Variants in HOXB7 observed in about 807,000 individuals in gnomAD.
HOXB7 encodes the protein homeobox protein Hox-B7.
HOXB7 carries 11 observed loss-of-function variants against 19.2 expected under a neutral mutation model. That is an observed-to-expected ratio of 0.57 (90% CI 0.36 to 0.95). The LOEUF (loss-of-function observed/expected upper bound fraction) is 0.95. HOXB7 is among the 40% of genes least tolerant of loss of function. The probability of loss-of-function intolerance (pLI) is 0.01; values close to 1 mark genes in which losing one functional copy is unlikely to be tolerated. For missense variants in HOXB7, 318 were observed against 301.1 expected, an observed-to-expected ratio of 1.06 and a Z score of -0.42; for synonymous variants, 141 against 130.2, an observed-to-expected ratio of 1.08 and a Z score of -0.56.
chr17:48,607,506 T>C lies in HOXB7; in HGVS notation c.*336A>G. The C allele has an allele frequency of 4.0e-6, 1 of 247,702 alleles. No homozygotes were observed. The highest frequency in any genetic ancestry group is 6.8e-5 in the South Asian group (1 of 14,786). 15.3% of individuals were successfully genotyped at this position (247,702 alleles called of 1,614,324 possible). The stretch of plus-strand genomic sequence containing the variant: ...AAACTGCAAGATTTTACAAAGACCT[T>C]ACAATAGCAACATAGAAAAGGGGAG... On this transcript the variant is annotated 3_prime_UTR_variant, in exon 2 of 2. Transcript: ENST00000239165.
chr17:48,610,459 G>A (rs2144996780), intron 1 of HOXB7, 60 bp downstream of exon 1: 3 of 1,356,472 alleles, frequency 2.2e-6, no homozygotes, highest in Non-Finnish European at 2.9e-6. Flanking sequence ...GGAAGGAGGC[G>A]CCTTCAGGGT....
At chr17:48,609,998 G>A (rs1473406364) in intron 1 of HOXB7, among the ~76,000 whole-genome samples, 2 of 152,168 alleles carry the variant, frequency 1.3e-5, no homozygotes, top group Admixed American at 6.5e-5. Context: ...GGAATAATGG[G>A]GGAGCGGGGT....
rs767729215 is a variant in HOXB7 at position 48,610,700 on chromosome 17, G to A, written c.219C>T (p.Val73=). The stretch of plus-strand genomic sequence containing the variant: ...GCTCGAGCCCATAGCCGGCCGCGTA[G>A]ACGCCGGCCGCGCTCTGGCCCGCCA... The part of the protein sequence containing the change: ...GGMAGQSAAG[V]YAAGYGLEPS... Residue 73 remains valine, a synonymous_variant, in exon 1 of 2, where the codon GTC becomes GTT. Coordinates refer to ENST00000239165, the MANE Select transcript of HOXB7 (RefSeq NM_004502.4). 3.8e-6 allele frequency: 6 copies of A among 1,578,612 alleles called. No homozygotes were observed. In the African/African-American group the frequency reaches 6.8e-5, roughly 18 times the overall value.
At position 48,610,571 on chromosome 17, in the gene HOXB7, C is replaced by T; in HGVS notation, c.348G>A (p.Ser116=). Residue 116 remains serine (S), a synonymous_variant, in exon 1 of 2, where the codon TCG becomes TCA. Transcript: ENST00000239165. ...KAAGAKEQRD[S]DLAAESNFRI... ...GGAAGTTACTCTCGGCCGCCAAGTC[C>T]GAGTCCCTCTGCTCCTTGGCGCCCG... 2 of 1,538,712 alleles carry T rather than the reference C, an allele frequency of 1.3e-6. No individual in the cohort carries two copies. Among genetic ancestry groups the T allele is most frequent in the African/African-American group, 1.4e-5 (1 of 72,478 alleles).
intron 1 of HOXB7, among the ~76,000 whole-genome samples, chr17:48,610,256 T>G (rs1378043893): frequency 5.5e-5 from 6 of 109,924 alleles, no homozygotes; most frequent in Non-Finnish European, 9.3e-5. Flanking sequence ...AGAGGAAGGG[T>G]GGGGGCGGGC....
intron 1 of HOXB7, 104 bp downstream of exon 1, chr17:48,610,415 G>T: frequency 2.5e-6 from 3 of 1,204,528 alleles, no homozygotes; most frequent in South Asian, 2.1e-5. Flanking sequence ...CTCCGGCTGG[G>T]AGCACTCTGG....
Position 48,608,100 on chromosome 17 carries a change from A to C in HOXB7, c.401-5T>G, listed in dbSNP as rs541181851. ...GGCCTCGTTTGCGGTCAGTTCCTGC[A>C]CACAGTATTCAGAGGAAAATCAGTG... On this transcript the variant is annotated splice_polypyrimidine_tract_variant and splice_region_variant and intron_variant, in intron 1 of 1. Coordinates refer to ENST00000239165, the MANE Select transcript of HOXB7 (RefSeq NM_004502.4). 778 of 1,611,640 alleles carry C rather than the reference A, an allele frequency of 4.8e-4. No homozygotes were observed. The highest frequency in any genetic ancestry group is 6.3e-4 in the Non-Finnish European group (738 of 1,178,092).
At chr17:48,610,448 G>A (rs1211283626) in intron 1 of HOXB7, 71 bp downstream of exon 1, 6 of 1,343,672 alleles carry the variant, frequency 4.5e-6, no homozygotes, top group Non-Finnish European at 5.8e-6. Flanking sequence ...GCGCCCAGCC[G>A]GGAAGGAGGC....
At chr17:48,608,707 G>A (rs1447654130) in intron 1 of HOXB7, among the ~76,000 whole-genome samples, 1 of 152,158 alleles carries the variant, frequency 6.6e-6, no homozygotes, top group Non-Finnish European at 1.5e-5. Flanking sequence ...GGCTCTTAAA[G>A]GCTCTGCACC....
intron 1 of HOXB7, chr17:48,608,380 C>T (rs544454282): frequency 5.1e-4 from 79 of 153,632 alleles, no homozygotes; most frequent in African/African-American, 2.0e-3. Flanking sequence ...GCCGAGATTG[C>T]GCCACTGCAC....
Position 48,607,890 on chromosome 17 carries a change from C to G in HOXB7, c.606G>C (p.Gly202=), listed in dbSNP as rs773050759. 63 of 1,613,964 alleles carry G rather than the reference C, an allele frequency of 3.9e-5. No individual in the cohort carries two copies. The highest frequency in any genetic ancestry group is 4.7e-5 in the Non-Finnish European group (55 of 1,180,004). Residue 202 remains glycine, a synonymous_variant, in exon 2 of 2, where the codon GGG becomes GGC. Transcript: ENST00000239165. ...WKKENKTAGP[G]TTGQDRAEAE... is the part of the protein sequence containing the mutation. ...CTTCAGCCCTGTCTTGGCCGGTGGT[C>G]CCCGGGCCCGCGGTCTTGTTCTCCT...
intron 1 of HOXB7, 115 bp from the exon 2 acceptor site, chr17:48,608,210 T>A: frequency 7.3e-7 from 1 of 1,362,878 alleles, no homozygotes; most frequent in Non-Finnish European, 9.8e-7. Flanking sequence ...GATCACGAGG[T>A]CAGGAGATCG....
At position 48,610,824 on chromosome 17, in the gene HOXB7, C is replaced by G. The variant is rs755640117; in HGVS notation, c.95G>C (p.Cys32Ser). The G allele has an allele frequency of 1.3e-6, 2 of 1,582,894 alleles. No homozygotes were observed. Among genetic ancestry groups the G allele is most frequent in the South Asian group, 1.2e-5 (1 of 86,686 alleles). ...ATGAFPEQTS[C>S]AFASNPQRPG... ...GCGCTGGGGGTTGGAAGCAAACGCA[C>G]AAGAAGTTTGTTCTGGGAAGGCTCC... The change falls in exon 1 of 2, where the codon TGT becomes TCT. Residue 32 changes from cysteine to serine, a missense_variant. Transcript: ENST00000239165.
rs200259884 is a variant in HOXB7 at position 48,607,865 on chromosome 17, C to T, written c.631G>A (p.Ala211Thr). The T allele has an allele frequency of 2.1e-5, 34 of 1,614,074 alleles. No homozygotes were observed. The East Asian group carries it at 7.1e-4, about 34-fold the overall frequency. The change falls in exon 2 of 2, where the codon GCA (alanine) becomes ACA (threonine). Residue 211 changes from alanine (A) to threonine (T), a missense_variant. Physicochemically the swap from Ala to Thr is moderately conservative, Grantham distance 58. Transcript: ENST00000239165. ...PGTTGQDRAE[A>T]EEEEEE ...CCTCACTCTTCCTCTTCCTCCTCTG[C>T]TTCAGCCCTGTCTTGGCCGGTGGTC...
intron 1 of HOXB7, 63 bp downstream of exon 1, chr17:48,610,456 G>A (rs1347021257): frequency 4.4e-6 from 6 of 1,358,294 alleles, no homozygotes; most frequent in Non-Finnish European, 4.8e-6. Flanking sequence ...CCGGGAAGGA[G>A]GCGCCTTCAG....
chr17:48,608,179 T>C (rs2070607426), intron 1 of HOXB7, 84 bp from the exon 2 acceptor site: 5 of 1,513,728 alleles, frequency 3.3e-6, no homozygotes, highest in Non-Finnish European at 4.4e-6. Context: ...ATCCCAGCAC[T>C]TTGGGAGACC....
rs79366513 is a variant in HOXB7, at chr17:48,607,332, G to A, written c.*510C>T. On this transcript the variant is annotated 3_prime_UTR_variant, in exon 2 of 2. Transcript: ENST00000239165. ...ACGGGAAGCAAGAAGCAGCAGCCAG[G>A]CGCTTGGGGAACACGCGAGTGGTAG... 0.012 allele frequency: 1,872 copies of A among 152,934 alleles called. 56 individuals are homozygous for A. The highest frequency in any genetic ancestry group is 0.043 in the African/African-American group (1,792 of 41,578). The allele number at this position is 152,934 out of a possible 1,614,324, so 9.5% of individuals were successfully genotyped here. A position where few individuals can be genotyped will look rare whatever the true frequency, so the allele number is the denominator to read the frequency against.
chr17:48,611,011 C>A lies in HOXB7; in HGVS notation c.-93G>T. ...ACAGAATTAGAGTCCAGATTTACACCAAAAAGGACCCCCTTTTTCCTCTCC... is the reference window on the plus strand; with the variant it reads ...ACAGAATTAGAGTCCAGATTTACACAAAAAAGGACCCCCTTTTTCCTCTCC... On this transcript the variant is annotated 5_prime_UTR_variant, in exon 1 of 2. Transcript: ENST00000239165. 8.9e-7 allele frequency: 1 copy of A among 1,117,816 alleles called. No homozygotes were observed. Among genetic ancestry groups the A allele is most frequent in the Non-Finnish European group, 1.2e-6 (1 of 829,222 alleles). 69.2% of individuals were successfully genotyped at this position (1,117,816 alleles called of 1,614,324 possible). A position where few individuals can be genotyped will look rare whatever the true frequency, so the allele number is the denominator to read the frequency against.
In HOXB7 at chr17:48,610,701, A is replaced by G. The variant is rs958038116; in HGVS notation, c.218T>C (p.Val73Ala). 6.3e-7 allele frequency: 1 copy of G among 1,578,196 alleles called. No homozygotes were observed. The highest frequency in any genetic ancestry group is 1.4e-5 in the African/African-American group (1 of 73,336). ...CTCGAGCCCATAGCCGGCCGCGTAG[A>G]CGCCGGCCGCGCTCTGGCCCGCCAT... is the stretch of plus-strand genomic sequence containing the variant. Reference protein sequence around the residue: ...GGMAGQSAAGVYAAGYGLEPS... With the variant: ...GGMAGQSAAGAYAAGYGLEPS... The change falls in exon 1 of 2, where the codon GTC (valine) becomes GCC (alanine). Residue 73 changes from valine (V) to alanine (A), a missense_variant. Coordinates refer to ENST00000239165, the MANE Select transcript of HOXB7 (RefSeq NM_004502.4).
Sources: allele counts gnomAD v4.1 joint callset (sites outside exome capture counted in the v4.1 genomes callset), GRCh38; gene constraint gnomAD v4.1.1; transcripts MANE v1.5; gene names NCBI Gene and HGNC (gene_info 2026-07-23, HGNC 2026-07-21).